The following PRKG1 variants were observed in gnomAD, a reference collection of about 807,000 sequenced individuals.
PRKG1 encodes cGMP-dependent protein kinase 1.
In PRKG1, 35 loss-of-function variants were observed where a neutral mutation model predicts 88.1. The observed-to-expected ratio is 0.40, with a 90% CI of 0.30 to 0.53. PRKG1 has a LOEUF of 0.53. Ranked by LOEUF, PRKG1 falls within the 20% of genes least tolerant of loss-of-function variation. The probability of loss-of-function intolerance (pLI) is 0.59; values close to 1 mark genes in which losing one functional copy is unlikely to be tolerated. For synonymous variants in PRKG1, 303 were observed against 292.5 expected, an observed-to-expected ratio of 1.04 and a Z score of -0.37; for missense variants, 540 against 839.8, an observed-to-expected ratio of 0.64 and a Z score of 4.41.
chr10:51,512,060 A>G (rs967100242), intron 3 of PRKG1, among the ~76,000 whole-genome samples: 5 of 152,090 alleles, frequency 3.3e-5, no homozygotes, highest in African/African-American at 1.2e-4. Context: ...TATACAAAGT[A>G]CCAACATTGG....
chr10:52,143,895 T>C (rs1837653119), intron 8 of PRKG1, among the ~76,000 whole-genome samples: 1 of 152,190 alleles, frequency 6.6e-6, no homozygotes, highest in Non-Finnish European at 1.5e-5. Context: ...GATCCAGAGA[T>C]ATAAAGGTGA....
At chr10:51,817,527 C>T (rs776678348) in intron 4 of PRKG1, among the ~76,000 whole-genome samples, 2 of 152,150 alleles carry the variant, frequency 1.3e-5, no homozygotes, top group Non-Finnish European at 2.9e-5. Context: ...AGGACATGAA[C>T]TCATCCTTTT....
At chr10:52,111,626 G>A (rs1176519842) in intron 7 of PRKG1, among the ~76,000 whole-genome samples, 1 of 152,116 alleles carries the variant, frequency 6.6e-6, no homozygotes, top group African/African-American at 2.4e-5. Flanking sequence ...TCTAATTTTA[G>A]TCTTTCTCTA....
chr10:51,912,885 A>G lies in PRKG1; in HGVS notation c.762+5315A>G, dbSNP rs995554805. Reference sequence around the variant, plus strand: ...ATCTCTTTATTCTTTTTGTTTGTTCATTGGCATTATTACTATTGTTTTAAA... The same window carrying G: ...ATCTCTTTATTCTTTTTGTTTGTTCGTTGGCATTATTACTATTGTTTTAAA... On this transcript the variant is annotated intron_variant, in intron 5 of 17. Coordinates refer to ENST00000373980, the MANE Select transcript of PRKG1 (RefSeq NM_006258.4). Among the ~76,000 whole-genome samples, 43 of 150,976 alleles carry G rather than the reference A, an allele frequency of 2.8e-4. 1 individual carries two copies. The highest frequency in any genetic ancestry group is 4.4e-5 in the Non-Finnish European group (3 of 67,902).
At chr10:51,133,379 C>A (rs566698615) in intron 1 of PRKG1, among the ~76,000 whole-genome samples, 1 of 152,282 alleles carries the variant, frequency 6.6e-6, no homozygotes, top group South Asian at 2.1e-4. Context: ...TAACCACCAT[C>A]AGTTTTGCAC....
chr10:51,646,848 A>G (rs1839926178), intron 3 of PRKG1, among the ~76,000 whole-genome samples: 1 of 152,082 alleles, frequency 6.6e-6, no homozygotes, highest in Non-Finnish European at 1.5e-5. Flanking sequence ...AGATGAAATT[A>G]TTCAAAGTAC....
chr10:51,912,585 G>A (rs1212181034), intron 5 of PRKG1, among the ~76,000 whole-genome samples: 1 of 152,146 alleles, frequency 6.6e-6, no homozygotes, highest in East Asian at 1.9e-4. Context: ...TGGAAAGACA[G>A]AGACTGAGAG....
chr10:51,898,104 C>T (rs1278069532), intron 4 of PRKG1, among the ~76,000 whole-genome samples: 4 of 152,106 alleles, frequency 2.6e-5, no homozygotes, highest in African/African-American at 4.8e-5. Context: ...CTTAAAAACC[C>T]TTGGCTCACT....
At chr10:51,136,946 C>T (rs956573143) in intron 1 of PRKG1, among the ~76,000 whole-genome samples, 3 of 151,932 alleles carry the variant, frequency 2.0e-5, no homozygotes, top group South Asian at 2.1e-4. Flanking sequence ...CTGTTGCCCA[C>T]GCTGGAGTGC....
At chr10:51,195,273 T>A (rs1837733836) in intron 2 of PRKG1, among the ~76,000 whole-genome samples, 1 of 152,238 alleles carries the variant, frequency 6.6e-6, no homozygotes, top group South Asian at 2.1e-4. Flanking sequence ...TGTGGTATAA[T>A]GAAGTATCTT....
intron 2 of PRKG1, among the ~76,000 whole-genome samples, chr10:51,214,313 T>A (rs368987251): frequency 2.7e-4 from 41 of 152,300 alleles, no homozygotes; most frequent in East Asian, 1.5e-3. Flanking sequence ...ATGAAGTTTG[T>A]CCCTTCAATG....
At chr10:51,220,936 A>G (rs1838512566) in intron 2 of PRKG1, among the ~76,000 whole-genome samples, 1 of 152,180 alleles carries the variant, frequency 6.6e-6, no homozygotes, top group African/African-American at 2.4e-5. Context: ...CTGTGTTGGG[A>G]TTGTAGTATG....
chr10:51,633,782 G>A (rs771455271), intron 3 of PRKG1, among the ~76,000 whole-genome samples: 21 of 152,128 alleles, frequency 1.4e-4, no homozygotes, highest in South Asian at 2.1e-4. Flanking sequence ...GAAATGTCCC[G>A]GCTTATAAAT....
intron 3 of PRKG1, among the ~76,000 whole-genome samples, chr10:51,738,313 T>C (rs1837344050): frequency 6.6e-6 from 1 of 152,148 alleles, no homozygotes; most frequent in Non-Finnish European, 1.5e-5. Context: ...AAGGGACGTT[T>C]GTAGGATCCA....
intron 4 of PRKG1, among the ~76,000 whole-genome samples, chr10:51,884,453 A>C (rs1841518211): frequency 6.9e-6 from 1 of 144,554 alleles, no homozygotes; most frequent in African/African-American, 2.6e-5. Context: ...TCAAAAAAAA[A>C]AAAAAAAAAA....
At chr10:52,278,648 C>G (rs903277620) in intron 12 of PRKG1, among the ~76,000 whole-genome samples, 1 of 152,018 alleles carries the variant, frequency 6.6e-6, no homozygotes, top group Non-Finnish European at 1.5e-5. Context: ...ATGAGTTTGG[C>G]TGGGCATGGT....
upstream of PRKG1, among the ~76,000 whole-genome samples, chr10:51,070,980 G>A (rs1215921817): frequency 6.6e-6 from 1 of 152,186 alleles, no homozygotes; most frequent in Non-Finnish European, 1.5e-5. Flanking sequence ...AGGCAGTGGG[G>A]CAGGGCTCAG....
At chr10:51,698,763 G>T in intron 3 of PRKG1, 1 of 1,614,176 alleles carries the variant, frequency 6.2e-7, no homozygotes, top group Non-Finnish European at 8.5e-7. Context: ...CCTGGAGCTG[G>T]AATTCCACCC....
At chr10:51,240,179 A>G (rs1006063614) in intron 2 of PRKG1, among the ~76,000 whole-genome samples, 1 of 152,234 alleles carries the variant, frequency 6.6e-6, no homozygotes, top group African/African-American at 2.4e-5. Context: ...ATTGTTAAAT[A>G]AAAAATAGAT....
Sources: allele counts gnomAD v4.1 joint callset (sites outside exome capture counted in the v4.1 genomes callset), GRCh38; gene constraint gnomAD v4.1.1; transcripts MANE v1.5; gene names NCBI Gene and HGNC (gene_info 2026-07-23, HGNC 2026-07-21).